The following PAX5 variants were observed in gnomAD, a reference collection of about 807,000 sequenced individuals.
PAX5 encodes paired box 5.
Under a neutral mutation model 43.7 loss-of-function variants are expected in PAX5, and 9 were observed. That is an observed-to-expected ratio of 0.21 (90% confidence interval 0.12 to 0.36). The LOEUF (loss-of-function observed/expected upper bound fraction) is 0.36. PAX5 is among the 10% of genes least tolerant of loss of function. PAX5 has a pLI of 1.00. For synonymous variants in PAX5, 228 were observed against 214.3 expected, an observed-to-expected ratio of 1.06 and a Z score of -0.56; for missense variants, 383 against 532.7, an observed-to-expected ratio of 0.72 and a Z score of 2.77.
In PAX5 at chr9:36,973,355, G is replaced by T. The variant is rs533385016; in HGVS notation, c.605-6631C>A. Among the ~76,000 whole-genome samples the T allele has an allele frequency of 1.9e-3, 283 of 152,218 alleles. 1 individual carries two copies. Among genetic ancestry groups the T allele is most frequent in the Middle Eastern group, 0.01 (3 of 294 alleles). On this transcript the variant is annotated intron_variant, in intron 5 of 9. Coordinates refer to ENST00000358127, the MANE Select transcript of PAX5 (RefSeq NM_016734.3). ...GACTTGCCTCCCTTGTGAAGATGGG[G>T]GACAGAGCAGGTCCTGATGGTCATC...
intron 1 of PAX5, among the ~76,000 whole-genome samples, chr9:37,027,413 C>G (rs1031376252): frequency 2.6e-5 from 4 of 152,244 alleles, no homozygotes; most frequent in Non-Finnish European, 5.9e-5. Flanking sequence ...TGCCAACCAA[C>G]TCTTCGAGCC....
chr9:37,016,303 A>G (rs961067495), intron 2 of PAX5, among the ~76,000 whole-genome samples: 1 of 152,276 alleles, frequency 6.6e-6, no homozygotes, highest in Non-Finnish European at 1.5e-5. Flanking sequence ...GAGAAAAATA[A>G]TAATCCTGGT....
At position 36,991,864 on chromosome 9, in the gene PAX5, A is replaced by G. The variant is rs551443017; in HGVS notation, c.604+10784T>C. Among the ~76,000 whole-genome samples the G allele has an allele frequency of 2.6e-5, 4 of 152,136 alleles. No homozygotes were observed. The South Asian group carries it at 8.3e-4, about 32-fold the overall frequency. ...TTTCTTTCTGCCTATTTCCTCTCAT[A>G]GATCAGTTAATTTTGCTACAAGCAA... On this transcript the variant is annotated intron_variant, in intron 5 of 9. Coordinates refer to ENST00000358127, the MANE Select transcript of PAX5 (RefSeq NM_016734.3).
chr9:36,994,636 G>A (rs1288322114), intron 5 of PAX5, among the ~76,000 whole-genome samples: 1 of 152,154 alleles, frequency 6.6e-6, no homozygotes, highest in Admixed American at 6.5e-5. Flanking sequence ...AGACCTTCAG[G>A]CCAAGGAAAA....
rs1051756931 is a variant in PAX5 at position 36,918,168 on chromosome 9, C to T, written c.910+5187G>A. ...GAGTCATGTATCTCTCACTTTAAAT[C>T]AAAAGCTAGAAATGATTAAGCTTAG... is the stretch of plus-strand genomic sequence containing the variant. On this transcript the variant is annotated intron_variant, in intron 7 of 9. Coordinates refer to ENST00000358127, the MANE Select transcript of PAX5 (RefSeq NM_016734.3). Among the ~76,000 whole-genome samples, 7 of 152,258 alleles carry T rather than the reference C, an allele frequency of 4.6e-5. No homozygotes were observed. In the South Asian group the frequency reaches 1.5e-3, roughly 32 times the overall value.
At chr9:37,017,463 G>T (rs1481132754) in intron 2 of PAX5, among the ~76,000 whole-genome samples, 1 of 152,178 alleles carries the variant, frequency 6.6e-6, no homozygotes, top group African/African-American at 2.4e-5. Flanking sequence ...CAATTGCAGA[G>T]AACTTTACTA....
At chr9:36,879,249 C>T (rs1695518293) in intron 8 of PAX5, among the ~76,000 whole-genome samples, 1 of 152,250 alleles carries the variant, frequency 6.6e-6, no homozygotes, top group Admixed American at 6.5e-5. Flanking sequence ...GAGGCTCTGC[C>T]AGGCCTGCAG....
At chr9:36,846,780 G>A (rs1228565967) in intron 9 of PAX5, 63 bp downstream of exon 9, 2 of 1,191,206 alleles carry the variant, frequency 1.7e-6, no homozygotes, top group Non-Finnish European at 2.5e-6. Context: ...CCAGGCCAGT[G>A]AGGAGGCCTG....
chr9:36,939,951 G>A (rs1208866161), intron 6 of PAX5, among the ~76,000 whole-genome samples: 1 of 152,230 alleles, frequency 6.6e-6, no homozygotes, highest in Non-Finnish European at 1.5e-5. Flanking sequence ...ACTGGAACTC[G>A]GGCTGGGGCT....
chr9:36,927,488 T>C (rs1366202673), intron 6 of PAX5, among the ~76,000 whole-genome samples: 1 of 152,240 alleles, frequency 6.6e-6, no homozygotes, highest in Non-Finnish European at 1.5e-5. Flanking sequence ...CAAAGCTCGT[T>C]CAGCCACTTC....
chr9:36,859,991 C>G (rs562960599), intron 8 of PAX5, among the ~76,000 whole-genome samples: 51 of 150,996 alleles, frequency 3.4e-4, no homozygotes, highest in Non-Finnish European at 6.5e-4. Flanking sequence ...GCTGAGATCA[C>G]GCCACTGCAC....
Position 36,837,297 on chromosome 9 carries a change from T to A in PAX5, c.*3263A>T. 1 of 233,260 alleles carries A rather than the reference T, an allele frequency of 4.3e-6. No homozygotes were observed. Among genetic ancestry groups the A allele is most frequent in the East Asian group, 6.0e-5 (1 of 16,592 alleles). The allele number at this position is 233,260 out of a possible 1,614,324, so 14.4% of individuals were successfully genotyped here. On this transcript the variant is annotated 3_prime_UTR_variant, in exon 10 of 10. Coordinates refer to ENST00000358127, the MANE Select transcript of PAX5 (RefSeq NM_016734.3). ...TTGAGGATTGCAAAGCACCGTACAATGTCAGTTATGGAAGGGCTAGCCTTA... is the reference window on the plus strand; with the variant it reads ...TTGAGGATTGCAAAGCACCGTACAAAGTCAGTTATGGAAGGGCTAGCCTTA...
intron 5 of PAX5, among the ~76,000 whole-genome samples, chr9:37,001,961 A>T (rs1188215922): frequency 2.0e-5 from 3 of 151,976 alleles, no homozygotes; most frequent in African/African-American, 7.3e-5. Flanking sequence ...GGTGTCCAGG[A>T]TGGAGGTGGC....
At chr9:37,012,677 C>G (rs749935448) in intron 3 of PAX5, among the ~76,000 whole-genome samples, 1 of 152,224 alleles carries the variant, frequency 6.6e-6, no homozygotes, top group Non-Finnish European at 1.5e-5. Flanking sequence ...ACATTTCTTT[C>G]ACATCACTTC....
intron 7 of PAX5, among the ~76,000 whole-genome samples, chr9:36,883,985 A>G (rs554373837): frequency 6.6e-6 from 1 of 150,950 alleles, no homozygotes; most frequent in East Asian, 1.9e-4. Flanking sequence ...TAGAAGAAAT[A>G]GAAAAAGTTT....
At chr9:36,968,968 T>A (rs1008430971) in intron 5 of PAX5, among the ~76,000 whole-genome samples, 1 of 151,898 alleles carries the variant, frequency 6.6e-6, no homozygotes, top group Non-Finnish European at 1.5e-5. Flanking sequence ...GATGGCTCAG[T>A]TTTTCCTACT....
chr9:36,991,820 T>C (rs1244979138), intron 5 of PAX5, among the ~76,000 whole-genome samples: 1 of 148,166 alleles, frequency 6.7e-6, no homozygotes, highest in Non-Finnish European at 1.5e-5. Context: ...CACTGTTCAG[T>C]CCCTCAAGAG....
intron 2 of PAX5, among the ~76,000 whole-genome samples, chr9:37,019,392 C>A (rs933560210): frequency 1.3e-5 from 2 of 152,214 alleles, no homozygotes; most frequent in Non-Finnish European, 1.5e-5. Context: ...GCCCCCACAG[C>A]TCAGGTAACC....
At chr9:36,943,189 G>C (rs1304067924) in intron 6 of PAX5, among the ~76,000 whole-genome samples, 2 of 152,024 alleles carry the variant, frequency 1.3e-5, no homozygotes, top group Non-Finnish European at 2.9e-5. Flanking sequence ...CTTGACTTAC[G>C]GGTCCATCAG....
Sources: gnomAD v4.1 joint callset for allele counts (sites outside exome capture counted in the v4.1 genomes callset) on GRCh38, gnomAD v4.1.1 for gene constraint, MANE v1.5 for transcripts, NCBI Gene and HGNC (gene_info 2026-07-23, HGNC 2026-07-21) for gene names.